SEMA5A: variants seen among roughly 807,000 people sequenced by gnomAD.
SEMA5A encodes semaphorin 5A, also known as semaphorin-5A.
A neutral mutation model predicts 135.5 loss-of-function variants in SEMA5A; 55 were observed. The observed-to-expected ratio is 0.41, with a 90% CI of 0.33 to 0.51. The LOEUF (loss-of-function observed/expected upper bound fraction) is 0.51. Among genes scored for constraint, SEMA5A ranks in the 20% least tolerant of loss-of-function variants. The pLI is 0.37. For synonymous variants in SEMA5A, 580 were observed against 546.5 expected (o/e 1.06, Z -0.85); for missense variants, 1,290 against 1,419.9 (o/e 0.91, Z 1.47).
chr5:9,130,054 T>C (rs1406681682), intron 13 of SEMA5A, among the ~76,000 whole-genome samples: 1 of 152,170 alleles, frequency 6.6e-6, no homozygotes, highest in East Asian at 1.9e-4. Context: ...AAATTTCCCT[T>C]CATCTAGGAA....
rs1291621411 is a variant in SEMA5A, at chr5:9,041,513, T to G, written c.*1384A>C. 1 of 152,184 alleles carries G rather than the reference T, an allele frequency of 6.6e-6. No homozygotes were observed. The highest frequency in any genetic ancestry group is 1.5e-5 in the Non-Finnish European group (1 of 68,034). 9.4% of individuals were successfully genotyped at this position (152,184 alleles called of 1,614,324 possible). ...TTTTTCCAGGGACCTCTGTGAATGG[T>G]GTTAGCACACTCTTAAATGCTTATC... On this transcript the variant is annotated 3_prime_UTR_variant, in exon 23 of 23. Transcript: ENST00000382496.
chr5:9,425,035 T>C lies in SEMA5A; in HGVS notation c.-78+12721A>G, dbSNP rs183990486. 5.9e-5 allele frequency among the ~76,000 whole-genome samples: 9 copies of C among 152,284 alleles called. No individual in the cohort carries two copies. In the East Asian group the frequency reaches 1.7e-3, roughly 29 times the overall value. ...TTCTCCAAAGGGTTCCCAATGCCCC[T>C]AATAGACATAGAAGTTTCATGTCCC... On this transcript the variant is annotated intron_variant, in intron 2 of 22. Coordinates refer to ENST00000382496, the MANE Select transcript of SEMA5A (RefSeq NM_003966.3).
chr5:9,418,653 G>C (rs182729231), intron 2 of SEMA5A, among the ~76,000 whole-genome samples: 1 of 152,062 alleles, frequency 6.6e-6, no homozygotes, highest in African/African-American at 2.4e-5. Flanking sequence ...TACTGACGGC[G>C]CACTAAACCA....
At chr5:9,067,704 T>C (rs1175223887) in intron 16 of SEMA5A, among the ~76,000 whole-genome samples, 3 of 152,236 alleles carry the variant, frequency 2.0e-5, no homozygotes, top group Admixed American at 1.3e-4. Flanking sequence ...AACCTTTGAA[T>C]CTACAAATTC....
At chr5:9,473,844 A>G (rs568089595) in intron 1 of SEMA5A, among the ~76,000 whole-genome samples, 1 of 152,256 alleles carries the variant, frequency 6.6e-6, no homozygotes, top group Non-Finnish European at 1.5e-5. Flanking sequence ...TGTTCTCATG[A>G]GCTGGAGGGA....
At chr5:9,442,624 G>T (rs148832447) in intron 1 of SEMA5A, among the ~76,000 whole-genome samples, 1 of 152,152 alleles carries the variant, frequency 6.6e-6, no homozygotes, top group African/African-American at 2.4e-5. Flanking sequence ...GACTAAGTGT[G>T]CAGCTTCAGC....
At chr5:9,419,071 C>T (rs1757376863) in intron 2 of SEMA5A, among the ~76,000 whole-genome samples, 2 of 150,350 alleles carry the variant, frequency 1.3e-5, no homozygotes, top group African/African-American at 4.9e-5. Flanking sequence ...GTTGTGTCCT[C>T]GTATTCATTG....
intron 11 of SEMA5A, among the ~76,000 whole-genome samples, chr5:9,155,865 T>C (rs1162819731): frequency 6.6e-6 from 1 of 152,260 alleles, no homozygotes; most frequent in East Asian, 1.9e-4. Context: ...CTGAATTTAC[T>C]TTAAAAAGCA....
chr5:9,197,051 G>A lies in SEMA5A; in HGVS notation c.1068+117C>T, dbSNP rs1745425809. ...TATGGGGCTGTCCATGAGGGGCCAG[G>A]GAGACAGCTGCATGGTGCATGCACC... On this transcript the variant is annotated intron_variant, in intron 10 of 22. Transcript: ENST00000382496. The A allele has an allele frequency of 6.4e-6, 9 of 1,396,740 alleles. No individual in the cohort carries two copies. The East Asian group carries it at 9.3e-5, about 14-fold the overall frequency. 86.5% of individuals were successfully genotyped at this position (1,396,740 alleles called of 1,614,324 possible). A position where few individuals can be genotyped will look rare whatever the true frequency, so the allele number is the denominator to read the frequency against.
intron 12 of SEMA5A, among the ~76,000 whole-genome samples, chr5:9,145,695 G>A (rs1219774311): frequency 7.0e-6 from 1 of 142,840 alleles, no homozygotes; most frequent in Non-Finnish European, 1.5e-5. Context: ...CTGGAGTGTA[G>A]TGGTGCAGTC....
intron 5 of SEMA5A, among the ~76,000 whole-genome samples, chr5:9,297,557 TG>T: frequency 6.6e-6 from 1 of 152,116 alleles, no homozygotes. Context: ...CTGTTTTTTT[TG>T]TTTACTTGTT....
rs999759012 is a variant in SEMA5A, at chr5:9,036,512, G to T, written c.*6385C>A. 6.6e-6 allele frequency: 1 copy of T among 152,054 alleles called. No individual in the cohort carries two copies. The highest frequency in any genetic ancestry group is 2.4e-5 in the African/African-American group (1 of 41,396). 9.4% of individuals were successfully genotyped at this position (152,054 alleles called of 1,614,324 possible). On this transcript the variant is annotated 3_prime_UTR_variant, in exon 23 of 23. Transcript: ENST00000382496. The stretch of plus-strand genomic sequence containing the variant: ...AAACAAAAACCTCTAACTTCTATAG[G>T]CATCACGTTAACATTCTTATTACAG...
At chr5:9,047,166 G>A (rs1165094529) in intron 21 of SEMA5A, among the ~76,000 whole-genome samples, 2 of 152,196 alleles carry the variant, frequency 1.3e-5, no homozygotes, top group African/African-American at 4.8e-5. Flanking sequence ...TGACAGAGCT[G>A]TTAGCACTCT....
intron 16 of SEMA5A, among the ~76,000 whole-genome samples, chr5:9,084,226 G>T (rs1323717992): frequency 6.6e-6 from 1 of 152,168 alleles, no homozygotes; most frequent in African/African-American, 2.4e-5. Context: ...TCCTGTTCCA[G>T]CAGTCATCCA....
intron 5 of SEMA5A, among the ~76,000 whole-genome samples, chr5:9,256,763 T>C (rs961555575): frequency 1.3e-5 from 2 of 152,240 alleles, no homozygotes; most frequent in African/African-American, 4.8e-5. Context: ...AGGAATAATC[T>C]AGGAGTTTGA....
intron 3 of SEMA5A, among the ~76,000 whole-genome samples, chr5:9,338,267 T>C (rs1753485767): frequency 6.6e-6 from 1 of 152,242 alleles, no homozygotes; most frequent in African/African-American, 2.4e-5. Flanking sequence ...TTCTTTCAAA[T>C]TAGATGTTCC....
In SEMA5A at chr5:9,038,914, A is replaced by AGAT. The variant is rs1735804958; in HGVS notation, c.*3980_*3982dup. 1 of 151,182 alleles carries AGAT rather than the reference A, an allele frequency of 6.6e-6. No individual in the cohort carries two copies. The highest frequency in any genetic ancestry group is 2.5e-5 in the African/African-American group (1 of 40,462). The allele number at this position is 151,182 out of a possible 1,614,324, so 9.4% of individuals were successfully genotyped here. A position where few individuals can be genotyped will look rare whatever the true frequency, so the allele number is the denominator to read the frequency against. ...GGCTAATATTTTGTATATTTTGTAG[A>AGAT]GATGGAGTTTCCCCATGTTGCCCAG... On this transcript the variant is annotated 3_prime_UTR_variant, in exon 23 of 23. Transcript: ENST00000382496.
At chr5:9,261,200 A>C (rs1749361172) in intron 5 of SEMA5A, among the ~76,000 whole-genome samples, 2 of 23,292 alleles carry the variant, frequency 8.6e-5, no homozygotes, top group South Asian at 2.0e-3. Context: ...ATGTGAAGGA[A>C]CTCTTCAAGG....
chr5:9,504,063 A>C (rs987605840), intron 1 of SEMA5A, among the ~76,000 whole-genome samples: 2 of 151,692 alleles, frequency 1.3e-5, no homozygotes, highest in Non-Finnish European at 2.9e-5. Context: ...AAAAATACAA[A>C]AATTAGCCAG....
Sources: gnomAD v4.1 joint callset for allele counts (sites outside exome capture counted in the v4.1 genomes callset) on GRCh38, gnomAD v4.1.1 for gene constraint, MANE v1.5 for transcripts, NCBI Gene and HGNC (gene_info 2026-07-23, HGNC 2026-07-21) for gene names.